CPSF2: variants seen among roughly 807,000 people sequenced by gnomAD.
The protein encoded by CPSF2 is cleavage and polyadenylation specific factor 2, also known as cleavage and polyadenylation specificity factor subunit 2.
In CPSF2, 51 loss-of-function variants were observed where a neutral mutation model predicts 84.2. The observed-to-expected ratio is 0.61, with a 90% confidence interval of 0.48 to 0.77. CPSF2 has a LOEUF of 0.77. CPSF2 is among the 30% of genes least tolerant of loss of function. CPSF2 has a pLI of 0.00. For synonymous variants in CPSF2, 286 were observed against 311.9 expected, an observed-to-expected ratio of 0.92 and a Z score of 0.87; for missense variants, 641 against 929.4, an observed-to-expected ratio of 0.69 and a Z score of 4.03.
At position 92,159,280 on chromosome 14, in the gene CPSF2, G is replaced by T; in HGVS notation, c.2119G>T (p.Glu707Ter). Reference sequence around the variant, plus strand: ...TACTTTGGAACCCTTGCCACCTCATGAGGTAAAAAAAGCATGTGCTTTTTT... The same window carrying T: ...TACTTTGGAACCCTTGCCACCTCATTAGGTAAAAAAAGCATGTGCTTTTTT... ...IPTLEPLPPH[E>*]VPGHQSVFMN... The change falls in exon 14 of 16, where the codon GAG becomes TAG. Residue 707 changes from glutamate to a stop codon, truncating the protein, a stop_gained and splice_region_variant. Coordinates refer to ENST00000298875, the MANE Select transcript of CPSF2 (RefSeq NM_017437.3). LOFTEE classifies it high-confidence loss of function. 1 of 1,577,128 alleles carries T rather than the reference G, an allele frequency of 6.3e-7. No homozygotes were observed. Among genetic ancestry groups the T allele is most frequent in the Non-Finnish European group, 8.6e-7 (1 of 1,162,360 alleles).
rs924897478 is a variant in CPSF2 at position 92,122,099 on chromosome 14, T to C, written c.-123T>C. On this transcript the variant is annotated 5_prime_UTR_variant, in exon 1 of 16. Coordinates refer to ENST00000298875, the MANE Select transcript of CPSF2 (RefSeq NM_017437.3). ...GATTCGCCTAGGGGTTGGGAAGGGC[T>C]GTGGACGGCGTTGGGGGAGGCCTGA... is the stretch of plus-strand genomic sequence containing the variant. The C allele has an allele frequency of 6.1e-5, 27 of 444,698 alleles. No individual in the cohort carries two copies. In the Admixed American group the frequency reaches 6.9e-4, roughly 11 times the overall value. The allele number at this position is 444,698 out of a possible 1,614,324, so 27.5% of individuals were successfully genotyped here. A position where few individuals can be genotyped will look rare whatever the true frequency, so the allele number is the denominator to read the frequency against.
intron 2 of CPSF2, among the ~76,000 whole-genome samples, chr14:92,129,255 T>C (rs2068884847): frequency 6.6e-6 from 1 of 152,166 alleles, no homozygotes; most frequent in Non-Finnish European, 1.5e-5. Flanking sequence ...AAGAGAATTT[T>C]CAGAGAAGCA....
At position 92,167,036 on chromosome 14, in the gene CPSF2, G is replaced by A. The variant is rs1414311872; in HGVS notation, c.*5292G>A. 4 of 128,912 alleles carry A rather than the reference G, an allele frequency of 3.1e-5. No individual in the cohort carries two copies. The highest frequency in any genetic ancestry group is 4.8e-4 in the East Asian group (2 of 4,126). The allele number at this position is 128,912 out of a possible 1,614,324, so 8.0% of individuals were successfully genotyped here. ...TTTCTTTTTTTTTTTTTTTGAGATA[G>A]CATCTTGCTTTGTCACCCAGGCTGG... On this transcript the variant is annotated 3_prime_UTR_variant, in exon 16 of 16. Coordinates refer to ENST00000298875, the MANE Select transcript of CPSF2 (RefSeq NM_017437.3).
intron 5 of CPSF2, among the ~76,000 whole-genome samples, chr14:92,135,050 A>G (rs74074430): frequency 0.022 from 3,312 of 152,328 alleles, 127 homozygotes; most frequent in African/African-American, 0.076. Context: ...CAAAATACAC[A>G]TTAAAATTTG....
At position 92,122,064 on chromosome 14, in the gene CPSF2, C is replaced by G; in HGVS notation, c.-158C>G. 2 of 531,414 alleles carry G rather than the reference C, an allele frequency of 3.8e-6. No individual in the cohort carries two copies. Among genetic ancestry groups the G allele is most frequent in the South Asian group, 2.0e-5 (1 of 49,308 alleles). 32.9% of individuals were successfully genotyped at this position (531,414 alleles called of 1,614,324 possible). A position where few individuals can be genotyped will look rare whatever the true frequency, so the allele number is the denominator to read the frequency against. On this transcript the variant is annotated 5_prime_UTR_variant, in exon 1 of 16. Coordinates refer to ENST00000298875, the MANE Select transcript of CPSF2 (RefSeq NM_017437.3). ...TGACCCAGCATCGGCTTTTCTACGT[C>G]TTGAACCTGGATTCGCCTAGGGGTT...
rs12895003 is a variant in CPSF2 at position 92,134,613 on chromosome 14, A to G, written c.415+258A>G. The stretch of plus-strand genomic sequence containing the variant: ...AACTCATTTAGTGTTTACTGTGTAC[A>G]ATAAACAAAAGATAATGTGGCCATT... On this transcript the variant is annotated intron_variant, in intron 5 of 15. Transcript: ENST00000298875. Among the ~76,000 whole-genome samples the G allele has an allele frequency of 1.4e-3, 216 of 152,356 alleles. 1 individual carries two copies. The highest frequency in any genetic ancestry group is 2.4e-3 in the Non-Finnish European group (162 of 68,030).
rs1369976790 is a variant in CPSF2 at position 92,157,381 on chromosome 14, C to T, written c.1596-278C>T. ...AATTATCCCTGCGTGGTGGTGCATG[C>T]CTATAATCCCAGTTACTTGGGAGGC... On this transcript the variant is annotated intron_variant, in intron 12 of 15. Transcript: ENST00000298875. The surrounding 1 kb of genome is among the most constrained non-coding windows in gnomAD (Gnocchi z 4.0). 6.6e-6 allele frequency among the ~76,000 whole-genome samples: 1 copy of T among 152,122 alleles called. No homozygotes were observed. The highest frequency in any genetic ancestry group is 2.4e-5 in the African/African-American group (1 of 41,432).
chr14:92,154,212 T>C, intron 9 of CPSF2, 146 bp from the exon 10 acceptor site: 2 of 567,462 alleles, frequency 3.5e-6, no homozygotes, highest in South Asian at 5.2e-5. Context: ...TAATTGTATG[T>C]AATGGAAACT....
At chr14:92,134,848 G>T (rs1426416623) in intron 5 of CPSF2, among the ~76,000 whole-genome samples, 1 of 152,134 alleles carries the variant, frequency 6.6e-6, no homozygotes, top group Admixed American at 6.6e-5. Context: ...TATTTTCATA[G>T]ATATGAACCC....
chr14:92,158,132 A>G (rs1046441887), intron 13 of CPSF2, among the ~76,000 whole-genome samples: 20 of 152,284 alleles, frequency 1.3e-4, no homozygotes, highest in African/African-American at 4.3e-4. Context: ...AGAGGTTTAG[A>G]AAAGGTTTCC....
chr14:92,156,390 A>G (rs2069290490), intron 11 of CPSF2, 89 bp from the exon 12 acceptor site: 2 of 942,808 alleles, frequency 2.1e-6, no homozygotes, highest in Non-Finnish European at 3.1e-6. Context: ...ATATGTGAGG[A>G]CTCCAAAAAT....
intron 14 of CPSF2, among the ~76,000 whole-genome samples, chr14:92,160,507 G>T (rs1486257251): frequency 6.6e-6 from 1 of 152,202 alleles, no homozygotes; most frequent in Non-Finnish European, 1.5e-5. Context: ...GACAGCCTCT[G>T]TTGTTGGATT....
intron 9 of CPSF2, among the ~76,000 whole-genome samples, chr14:92,148,752 A>G (rs1386560570): frequency 6.7e-6 from 1 of 148,840 alleles, no homozygotes; most frequent in Non-Finnish European, 1.5e-5. Flanking sequence ...AGCCTGGGCG[A>G]TATAGCAAGG....
At chr14:92,160,264 A>G (rs1366779619) in intron 14 of CPSF2, among the ~76,000 whole-genome samples, 9 of 152,224 alleles carry the variant, frequency 5.9e-5, no homozygotes, top group African/African-American at 1.9e-4. Context: ...CACCCAGCCA[A>G]TAGTCATACC....
chr14:92,159,210 C>G lies in CPSF2; in HGVS notation c.2049C>G (p.Phe683Leu), dbSNP rs762005562. The change falls in exon 14 of 16, where the codon TTC becomes TTG. Residue 683 changes from phenylalanine (F) to leucine (L), a missense_variant. By Grantham distance (22) the Phe-to-Leu change is conservative. This residue lies in a region of CPSF2 where 430 missense variants were observed against 553.6 expected (regional missense o/e 0.78). Coordinates refer to ENST00000298875, the MANE Select transcript of CPSF2 (RefSeq NM_017437.3). Reference sequence around the variant, plus strand: ...AACAAAAGGCCATGAAAAGTCTGTTCGGAGATGATGAAAAAGAAACAGGTG... The same window carrying G: ...AACAAAAGGCCATGAAAAGTCTGTTGGGAGATGATGAAAAAGAAACAGGTG... The part of the protein sequence containing the change: ...IAQQKAMKSL[F>L]GDDEKETGEE... 1.2e-6 allele frequency: 2 copies of G among 1,613,720 alleles called. No individual in the cohort carries two copies. The highest frequency in any genetic ancestry group is 8.5e-7 in the Non-Finnish European group (1 of 1,179,854).
intron 9 of CPSF2, among the ~76,000 whole-genome samples, chr14:92,145,095 G>A (rs1479743735): frequency 1.3e-5 from 2 of 152,148 alleles, no homozygotes; most frequent in African/African-American, 2.4e-5. Flanking sequence ...AAAGTTTGTA[G>A]CAATTGATAT....
chr14:92,135,885 A>G (rs2005091), intron 6 of CPSF2, among the ~76,000 whole-genome samples: 32,250 of 152,108 alleles, frequency 0.21, 3,803 homozygotes, highest in East Asian at 0.53. Flanking sequence ...ATCTCATCTT[A>G]TAGCTCCCAT....
intron 9 of CPSF2, among the ~76,000 whole-genome samples, chr14:92,147,808 T>C (rs2069161999): frequency 6.6e-6 from 1 of 152,214 alleles, no homozygotes; most frequent in African/African-American, 2.4e-5. Context: ...ACTGCAGTCT[T>C]GAACTCTTGG....
rs113915353 is a variant in CPSF2, at chr14:92,142,480, A to G, written c.849+129A>G. ...ATTGTTAATAAGATGATAACTTGGC[A>G]TTAACCATTTACTGTCCTGTGTGCT... On this transcript the variant is annotated intron_variant, in intron 8 of 15. Coordinates refer to ENST00000298875, the MANE Select transcript of CPSF2 (RefSeq NM_017437.3). 4.4e-6 allele frequency: 3 copies of G among 685,898 alleles called. No individual in the cohort carries two copies. In the Admixed American group the frequency reaches 7.9e-5, roughly 18 times the overall value. The allele number at this position is 685,898 out of a possible 1,614,324, so 42.5% of individuals were successfully genotyped here.
Sources: allele counts gnomAD v4.1 joint callset (sites outside exome capture counted in the v4.1 genomes callset), GRCh38; gene constraint gnomAD v4.1.1; regional missense constraint gnomAD v4.1.1; non-coding constraint Gnocchi (gnomAD v3.1); transcripts MANE v1.5; gene names NCBI Gene and HGNC (gene_info 2026-07-23, HGNC 2026-07-21).